Variants in GABBR2 observed in about 807,000 individuals in gnomAD.
GABBR2 encodes the protein gamma-aminobutyric acid type B receptor subunit 2.
In GABBR2, 23 loss-of-function variants were observed where a neutral mutation model predicts 105.6. The ratio of observed to expected loss-of-function variants is 0.22; its 90% CI spans 0.16 to 0.31. The LOEUF (loss-of-function observed/expected upper bound fraction) is 0.31. Among genes scored for constraint, GABBR2 ranks in the 10% least tolerant of loss-of-function variants. GABBR2 has a pLI of 1.00. For missense variants in GABBR2, 734 were observed against 1,245.5 expected (o/e 0.59, Z 6.18); for synonymous variants, 478 against 499.7 (o/e 0.96, Z 0.58).
Position 98,624,585 on chromosome 9 carries a change from C to T in GABBR2, c.322-46513G>A, listed in dbSNP as rs77524913. Among the ~76,000 whole-genome samples the T allele has an allele frequency of 5.9e-3, 902 of 151,914 alleles. 6 individuals carry two copies. Among genetic ancestry groups the T allele is most frequent in the Non-Finnish European group, 0.01 (688 of 67,960 alleles). The stretch of plus-strand genomic sequence containing the variant: ...GAGAGTAGGGAGGAAGAGAGTCTCT[C>T]GGGAAGAGAGAGGAAGAGGAGGCAG... On this transcript the variant is annotated intron_variant, in intron 1 of 18. Transcript: ENST00000259455.
chr9:98,565,737 TG>T (rs1164107633), intron 2 of GABBR2, among the ~76,000 whole-genome samples: 2 of 152,178 alleles, frequency 1.3e-5, no homozygotes, highest in Non-Finnish European at 2.9e-5. Flanking sequence ...GAACCGAGGC[TG>T]GAAGAGGCTA....
chr9:98,563,530 T>C (rs1828707321), intron 2 of GABBR2, among the ~76,000 whole-genome samples: 1 of 152,124 alleles, frequency 6.6e-6, no homozygotes, highest in African/African-American at 2.4e-5. Context: ...GTGCCAAAGG[T>C]CCCTGTGCCC....
At chr9:98,506,904 A>C (rs1827524371) in intron 3 of GABBR2, among the ~76,000 whole-genome samples, 1 of 152,164 alleles carries the variant, frequency 6.6e-6, no homozygotes, top group African/African-American at 2.4e-5. Flanking sequence ...CTATCACTGC[A>C]CTATGAAAGT....
chr9:98,673,690 G>GA (rs1830434921), intron 1 of GABBR2, among the ~76,000 whole-genome samples: 1 of 152,038 alleles, frequency 6.6e-6, no homozygotes, highest in Non-Finnish European at 1.5e-5. Flanking sequence ...TTAGGTCCCT[G>GA]AAAATAAGCA....
At chr9:98,548,652 A>G (rs1828434019) in intron 2 of GABBR2, among the ~76,000 whole-genome samples, 1 of 119,828 alleles carries the variant, frequency 8.3e-6, no homozygotes, top group African/African-American at 2.7e-5. Flanking sequence ...ACTGTTAGGT[A>G]GAGGCAATAG....
chr9:98,568,306 G>C (rs549432631), intron 2 of GABBR2, among the ~76,000 whole-genome samples: 3 of 152,174 alleles, frequency 2.0e-5, no homozygotes, highest in Admixed American at 6.5e-5. Flanking sequence ...AGTCAAATGG[G>C]GGGGCAGAAA....
At chr9:98,515,378 A>T (rs1333656771) in intron 3 of GABBR2, among the ~76,000 whole-genome samples, 2 of 152,172 alleles carry the variant, frequency 1.3e-5, no homozygotes, top group African/African-American at 4.8e-5. Context: ...TTTGCACTTC[A>T]AGGTGGAGTT....
At chr9:98,471,292 G>T (rs1826670025) in intron 6 of GABBR2, among the ~76,000 whole-genome samples, 1 of 152,186 alleles carries the variant, frequency 6.6e-6, no homozygotes, top group Admixed American at 6.5e-5. Context: ...GTCCCCTCCA[G>T]GGGGTGGGCT....
chr9:98,601,578 T>C (rs1266180638), intron 1 of GABBR2, among the ~76,000 whole-genome samples: 1 of 152,150 alleles, frequency 6.6e-6, no homozygotes, highest in Admixed American at 6.5e-5. Flanking sequence ...ATGTCTGCTA[T>C]CACCACAATT....
At chr9:98,589,623 G>A (rs1386343309) in intron 1 of GABBR2, among the ~76,000 whole-genome samples, 1 of 151,766 alleles carries the variant, frequency 6.6e-6, no homozygotes, top group Non-Finnish European at 1.5e-5. Context: ...ATTTTAAAAA[G>A]TGTTCTCCTA....
At chr9:98,594,671 C>T (rs1278396966) in intron 1 of GABBR2, among the ~76,000 whole-genome samples, 1 of 152,204 alleles carries the variant, frequency 6.6e-6, no homozygotes, top group Non-Finnish European at 1.5e-5. Flanking sequence ...GAGCAGCAGC[C>T]TTTGGAAGGC....
At chr9:98,427,711 A>C (rs779205484) in intron 7 of GABBR2, among the ~76,000 whole-genome samples, 76 of 143,468 alleles carry the variant, frequency 5.3e-4, no homozygotes, top group Admixed American at 2.6e-3. Flanking sequence ...TGGATTACTC[A>C]TGCTGGTGAA....
chr9:98,321,171 A>G (rs114891142), intron 13 of GABBR2, among the ~76,000 whole-genome samples: 1 of 152,092 alleles, frequency 6.6e-6, no homozygotes, highest in African/African-American at 2.4e-5. Flanking sequence ...TATTTCCTGG[A>G]TCTCAATACC....
intron 2 of GABBR2, among the ~76,000 whole-genome samples, chr9:98,554,274 C>T (rs1370398859): frequency 6.6e-6 from 1 of 151,982 alleles, no homozygotes; most frequent in African/African-American, 2.4e-5. Flanking sequence ...GGTAAGAGGA[C>T]CGCTTGAGCC....
Position 98,290,269 on chromosome 9 carries a change from GTTTTTTTT to G in GABBR2, c.*307_*314del, listed in dbSNP as rs71369558. On this transcript the variant is annotated 3_prime_UTR_variant, in exon 19 of 19. Coordinates refer to ENST00000259455, the MANE Select transcript of GABBR2 (RefSeq NM_005458.8). ...GCCTCTCTCCTTGTCTAGTTTTTTT[GTTTTTTTT>G]TTTTTTTTTTTTTTTTTGCAAGTTT... 168 of 76,892 alleles carry G rather than the reference GTTTTTTTT, an allele frequency of 2.2e-3. 5 individuals carry two copies. The highest frequency in any genetic ancestry group is 0.014 in the Admixed American group (94 of 6,500). The allele number at this position is 76,892 out of a possible 1,614,324, so 4.8% of individuals were successfully genotyped here. A position where few individuals can be genotyped will look rare whatever the true frequency, so the allele number is the denominator to read the frequency against.
chr9:98,464,151 G>A (rs1340800182), intron 6 of GABBR2, among the ~76,000 whole-genome samples: 1 of 151,434 alleles, frequency 6.6e-6, no homozygotes, highest in African/African-American at 2.4e-5. Flanking sequence ...GAGGTGAGGA[G>A]CGCCTCTGCC....
chr9:98,460,491 A>C (rs575777738), intron 6 of GABBR2, among the ~76,000 whole-genome samples: 2 of 152,312 alleles, frequency 1.3e-5, no homozygotes, highest in East Asian at 3.9e-4. Context: ...AAATTCTAAA[A>C]ATAAAAAATA....
intron 1 of GABBR2, among the ~76,000 whole-genome samples, chr9:98,593,251 A>G (rs1829172529): frequency 6.6e-6 from 1 of 152,244 alleles, no homozygotes. Context: ...TATCCCAAAC[A>G]GAAAAGCTCT....
intron 1 of GABBR2, among the ~76,000 whole-genome samples, chr9:98,630,161 C>T (rs1180431092): frequency 1.3e-5 from 2 of 152,034 alleles, no homozygotes; most frequent in East Asian, 1.9e-4. Flanking sequence ...CCAAGGGTAT[C>T]CAGATACCCT....
Sources: gnomAD v4.1 joint callset for allele counts (sites outside exome capture counted in the v4.1 genomes callset) on GRCh38, gnomAD v4.1.1 for gene constraint, MANE v1.5 for transcripts, NCBI Gene and HGNC (gene_info 2026-07-23, HGNC 2026-07-21) for gene names.